The following UNC45B variants were observed in gnomAD, a reference collection of about 807,000 sequenced individuals.
UNC45B encodes unc-45 myosin chaperone B.
In UNC45B, 78 loss-of-function variants were observed where a neutral mutation model predicts 98.7. The observed-to-expected ratio is 0.79, with a 90% CI of 0.66 to 0.95. The LOEUF (loss-of-function observed/expected upper bound fraction) is 0.95. Among genes scored for constraint, UNC45B ranks in the 40% least tolerant of loss-of-function variants. UNC45B has a pLI of 0.00. For missense variants in UNC45B, 1,225 were observed against 1,184.9 expected (o/e 1.03, Z -0.50); for synonymous variants, 462 against 480.4 (o/e 0.96, Z 0.50).
intron 13 of UNC45B, among the ~76,000 whole-genome samples, chr17:35,173,747 C>A (rs557475225): frequency 4.6e-5 from 7 of 151,794 alleles, no homozygotes; most frequent in Non-Finnish European, 1.0e-4. Flanking sequence ...TTAACTTAAT[C>A]GTGTCTGCAA....
rs746073361 is a variant in UNC45B, at chr17:35,180,684, A to G, written c.2373+8A>G. The G allele has an allele frequency of 1.1e-5, 17 of 1,610,462 alleles. 1 individual carries two copies. Among genetic ancestry groups the G allele is most frequent in the South Asian group, 6.6e-5 (6 of 90,810 alleles). On this transcript the variant is annotated splice_region_variant and intron_variant, in intron 18 of 19. Transcript: ENST00000394570. Reference sequence around the variant, plus strand: ...ATGGTGCTCCACAAGGAGGTGAGGCAGGGGCTCAGGATGGAGACCCGGGCG... The same window carrying G: ...ATGGTGCTCCACAAGGAGGTGAGGCGGGGGCTCAGGATGGAGACCCGGGCG...
rs772716148 is a variant in UNC45B at position 35,183,594 on chromosome 17, C to T, written c.2529+12C>T. 12 of 1,522,576 alleles carry T rather than the reference C, an allele frequency of 7.9e-6. No homozygotes were observed. Among genetic ancestry groups the T allele is most frequent in the Admixed American group, 5.9e-5 (3 of 50,440 alleles). The allele number at this position is 1,522,576 out of a possible 1,614,324, so 94.3% of individuals were successfully genotyped here. A position where few individuals can be genotyped will look rare whatever the true frequency, so the allele number is the denominator to read the frequency against. On this transcript the variant is annotated intron_variant, in intron 19 of 19. Transcript: ENST00000394570. ...AGATGACTCAAGTGGTAAGAGCTGG[C>T]CCTGGGGATAGGACGGGCTGGGTGG...
intron 5 of UNC45B, among the ~76,000 whole-genome samples, chr17:35,153,878 G>A (rs1383344623): frequency 6.6e-6 from 1 of 151,974 alleles, no homozygotes; most frequent in Non-Finnish European, 1.5e-5. Context: ...TCAGCCCTGG[G>A]TTCTCAGGTC....
At chr17:35,179,674 T>C (rs2092260238) in intron 17 of UNC45B, among the ~76,000 whole-genome samples, 2 of 152,044 alleles carry the variant, frequency 1.3e-5, no homozygotes, top group African/African-American at 4.8e-5. Flanking sequence ...CACCGCATGT[T>C]CTCACTCGTA....
intron 18 of UNC45B, among the ~76,000 whole-genome samples, chr17:35,181,921 G>A (rs2092276684): frequency 6.6e-6 from 1 of 152,052 alleles, no homozygotes; most frequent in African/African-American, 2.4e-5. Context: ...CCAAGGAGAT[G>A]GGCGGGGAGG....
In UNC45B at chr17:35,176,020, C is replaced by T. The variant is rs1377540318; in HGVS notation, c.2011C>T (p.Gln671Ter). Residue 671 changes from glutamine to a stop codon, truncating the protein, a stop_gained, in exon 15 of 20, where the codon CAA (glutamine) becomes TAA (stop). Coordinates refer to ENST00000394570, the MANE Select transcript of UNC45B (RefSeq NM_001267052.2). LOFTEE classifies it high-confidence loss of function. ...AAAGGACCGAGGCACCATTGTGGCT[C>T]AAGGTGGTGGCAAGGTAACTGGGCA... ...NPKDRGTIVA[Q>*]GGGKALIPLA... 3.1e-6 allele frequency: 5 copies of T among 1,614,166 alleles called. No individual in the cohort carries two copies. The highest frequency in any genetic ancestry group is 4.2e-6 in the Non-Finnish European group (5 of 1,180,042).
chr17:35,168,568 A>G (rs562632623), intron 10 of UNC45B, among the ~76,000 whole-genome samples: 12 of 152,256 alleles, frequency 7.9e-5, no homozygotes, highest in African/African-American at 2.9e-4. Flanking sequence ...CTGCTGCTTA[A>G]CCCTGAGGAC....
intron 1 of UNC45B, 32 bp from the exon 2 acceptor site, chr17:35,148,232 C>A: frequency 6.2e-7 from 1 of 1,612,472 alleles, no homozygotes; most frequent in Non-Finnish European, 8.5e-7. Context: ...CAGTGAGGGG[C>A]TGACCAGACA....
At chr17:35,165,740 C>G (rs1470492931) in intron 9 of UNC45B, among the ~76,000 whole-genome samples, 1 of 152,080 alleles carries the variant, frequency 6.6e-6, no homozygotes, top group East Asian at 1.9e-4. Context: ...GAGTTCAAGA[C>G]CAGCCTGACC....
intron 13 of UNC45B, among the ~76,000 whole-genome samples, chr17:35,173,331 G>GC (rs1241213659): frequency 6.6e-6 from 1 of 152,004 alleles, no homozygotes; most frequent in East Asian, 1.9e-4. Flanking sequence ...TCGCCATGTT[G>GC]CCCAGGCTGG....
chr17:35,175,871 A>G (rs2092229022), intron 14 of UNC45B, 97 bp from the exon 15 acceptor site: 1 of 1,164,868 alleles, frequency 8.6e-7, no homozygotes, highest in African/African-American at 1.5e-5. Context: ...TTTTCATCCC[A>G]GGGTTTCACT....
chr17:35,168,893 G>A (rs765600026), intron 10 of UNC45B, among the ~76,000 whole-genome samples: 7 of 152,178 alleles, frequency 4.6e-5, no homozygotes, highest in Admixed American at 1.3e-4. Context: ...TTTTAATAGA[G>A]ACGGGGTTTC....
Position 35,183,432 on chromosome 17 carries a change from G to T in UNC45B, c.2379G>T (p.Gln793His). The T allele has an allele frequency of 6.3e-7, 1 of 1,576,086 alleles. No homozygotes were observed. The highest frequency in any genetic ancestry group is 8.6e-7 in the Non-Finnish European group (1 of 1,160,892). ...MCNMVLHKEVQERFLADGNDR... is the reference protein window; with the variant it reads ...MCNMVLHKEVHERFLADGNDR... ...CATGTTCCTGCCTCCCACAGGTACA[G>T]GAAAGGTTCTTGGCTGACGGGAATG... Residue 793 changes from glutamine to histidine, a missense_variant, in exon 19 of 20, where the codon CAG becomes CAT. Physicochemically the swap from Gln to His is conservative, Grantham distance 24 (BLOSUM62 0). Coordinates refer to ENST00000394570, the MANE Select transcript of UNC45B (RefSeq NM_001267052.2).
In UNC45B at chr17:35,186,350, T is replaced by A; in HGVS notation, c.2581T>A (p.Ser861Thr). Residue 861 changes from serine to threonine, a missense_variant, in exon 20 of 20, where the codon TCT (serine) becomes ACT (threonine). Coordinates refer to ENST00000394570, the MANE Select transcript of UNC45B (RefSeq NM_001267052.2). ...GCGGCTTTGCCTGCACGACCAGCTG[T>A]CTGTCCAACACCGGGGCCTGGTCAT... ...LQRLCLHDQL[S>T]VQHRGLVIAY... 6.2e-7 allele frequency: 1 copy of A among 1,614,152 alleles called. No individual in the cohort carries two copies. Among genetic ancestry groups the A allele is most frequent in the Non-Finnish European group, 8.5e-7 (1 of 1,180,016 alleles).
At chr17:35,180,933 G>A (rs1026350917) in intron 18 of UNC45B, among the ~76,000 whole-genome samples, 1 of 152,128 alleles carries the variant, frequency 6.6e-6, no homozygotes, top group African/African-American at 2.4e-5. Flanking sequence ...TGAGGTGGAA[G>A]GCACCATTTC....
At chr17:35,149,666 T>A (rs1399408532) in intron 3 of UNC45B, among the ~76,000 whole-genome samples, 1 of 152,180 alleles carries the variant, frequency 6.6e-6, no homozygotes, top group Non-Finnish European at 1.5e-5. Flanking sequence ...CTGCCTACCT[T>A]GGCCTCCCAA....
intron 14 of UNC45B, among the ~76,000 whole-genome samples, chr17:35,175,107 A>AG (rs1491071020): frequency 1.4e-5 from 2 of 142,662 alleles, no homozygotes; most frequent in African/African-American, 5.3e-5. Context: ...GAAAAAAGAA[A>AG]AGAAAGAAAG....
Position 35,188,324 on chromosome 17 carries a change from T to G in UNC45B, c.*1765T>G, listed in dbSNP as rs1192202623. 1.3e-5 allele frequency: 2 copies of G among 152,190 alleles called. No individual in the cohort carries two copies. The highest frequency in any genetic ancestry group is 4.8e-5 in the African/African-American group (2 of 41,426). The allele number at this position is 152,190 out of a possible 1,614,324, so 9.4% of individuals were successfully genotyped here. The stretch of plus-strand genomic sequence containing the variant: ...TTCCTGCTTTCCTCATATGTGGGCT[T>G]GAGTGGGTGTATTTAGCTCCTTTAA... On this transcript the variant is annotated 3_prime_UTR_variant, in exon 20 of 20. Coordinates refer to ENST00000394570, the MANE Select transcript of UNC45B (RefSeq NM_001267052.2).
intron 17 of UNC45B, among the ~76,000 whole-genome samples, chr17:35,177,924 G>A (rs771336316): frequency 1.4e-5 from 2 of 141,904 alleles, no homozygotes; most frequent in South Asian, 2.2e-4. Context: ...TATCAAGACC[G>A]AGTCTTGCTC....
Sources: allele counts gnomAD v4.1 joint callset (sites outside exome capture counted in the v4.1 genomes callset), GRCh38; gene constraint gnomAD v4.1.1; transcripts MANE v1.5; gene names NCBI Gene and HGNC (gene_info 2026-07-23, HGNC 2026-07-21).